Variants in SLC13A1 observed in about 807,000 individuals in gnomAD.
The protein encoded by SLC13A1 is Na(+)/sulfate cotransporter.
In SLC13A1, 65 loss-of-function variants were observed where a neutral mutation model predicts 70.0. The observed-to-expected ratio is 0.93, with a 90% CI of 0.76 to 1.14. SLC13A1 has a LOEUF of 1.14. SLC13A1 is among the 50% of genes most tolerant of loss of function. SLC13A1 has a pLI of 0.00. For synonymous variants in SLC13A1, 275 were observed against 250.5 expected, an observed-to-expected ratio of 1.10 and a Z score of -0.92; for missense variants, 726 against 717.8, an observed-to-expected ratio of 1.01 and a Z score of -0.13.
At chr7:123,143,063 G>GCA (rs1311694339) in intron 7 of SLC13A1, among the ~76,000 whole-genome samples, 1 of 152,136 alleles carries the variant, frequency 6.6e-6, no homozygotes, top group Non-Finnish European at 1.5e-5. Flanking sequence ...GCCCTAACTT[G>GCA]CTGTGGCTGA....
Position 123,198,016 on chromosome 7 carries a change from T to A in SLC13A1, c.99+1832A>T, listed in dbSNP as rs1349058785. 2.0e-5 allele frequency among the ~76,000 whole-genome samples: 3 copies of A among 152,114 alleles called. No individual in the cohort carries two copies. In the East Asian group the frequency reaches 5.8e-4, roughly 29 times the overall value. On this transcript the variant is annotated intron_variant, in intron 1 of 14. Transcript: ENST00000194130. ...TCTTGACTAGTTTAATTTCCTACTT[T>A]CTCTGCCATAAGTAAGAATGTATGC...
At chr7:123,178,049 A>ATATC (rs1554553510) in intron 2 of SLC13A1, among the ~76,000 whole-genome samples, 14 of 151,090 alleles carry the variant, frequency 9.3e-5, no homozygotes, top group Non-Finnish European at 1.8e-4. Context: ...ATATATATAT[A>ATATC]TCTCCATACA....
chr7:123,134,659 A>C, intron 7 of SLC13A1, 130 bp from the exon 8 acceptor site: 7 of 736,980 alleles, frequency 9.5e-6, no homozygotes, highest in Non-Finnish European at 1.5e-5. Flanking sequence ...GAATATACTC[A>C]TCATTAAATA....
chr7:123,163,253 C>T (rs1157118023), intron 6 of SLC13A1, among the ~76,000 whole-genome samples: 1 of 152,040 alleles, frequency 6.6e-6, no homozygotes, highest in Non-Finnish European at 1.5e-5. Flanking sequence ...ATATTCCTTT[C>T]TTCTCCCAGT....
chr7:123,196,636 G>A (rs763306911), intron 1 of SLC13A1, among the ~76,000 whole-genome samples: 9 of 152,040 alleles, frequency 5.9e-5, no homozygotes, highest in Admixed American at 1.3e-4. Flanking sequence ...CATCCTTATA[G>A]CTTCAGTTCT....
At chr7:123,159,714 G>A (rs766980871) in intron 6 of SLC13A1, among the ~76,000 whole-genome samples, 8 of 152,042 alleles carry the variant, frequency 5.3e-5, no homozygotes, top group African/African-American at 1.4e-4. Flanking sequence ...GCATAGGAAC[G>A]CAGGAAGAAA....
chr7:123,154,737 G>A lies in SLC13A1; in HGVS notation c.661-7427C>T, dbSNP rs191774122. 4.2e-3 allele frequency among the ~76,000 whole-genome samples: 643 copies of A among 152,074 alleles called. 3 individuals are homozygous for A. Among genetic ancestry groups the A allele is most frequent in the Non-Finnish European group, 7.2e-3 (488 of 67,966 alleles). On this transcript the variant is annotated intron_variant, in intron 6 of 14. Coordinates refer to ENST00000194130, the MANE Select transcript of SLC13A1 (RefSeq NM_022444.4). ...CCCTGGTTGCTTAAACATTCTCTCA[G>A]AACAATCAAGTGATAGGATACCTAA...
intron 1 of SLC13A1, among the ~76,000 whole-genome samples, chr7:123,193,312 TA>T (rs200816957): frequency 0.015 from 2,182 of 149,434 alleles, 18 homozygotes; most frequent in Middle Eastern, 0.031. Flanking sequence ...ATTTTATAAA[TA>T]AAAAAAAAAA....
intron 1 of SLC13A1, among the ~76,000 whole-genome samples, chr7:123,185,517 A>G (rs1364086630): frequency 6.6e-6 from 1 of 152,100 alleles, no homozygotes; most frequent in African/African-American, 2.4e-5. Context: ...TAGTTTCACT[A>G]ACACCATTTA....
chr7:123,194,332 C>G, intron 1 of SLC13A1, among the ~76,000 whole-genome samples: 1 of 151,980 alleles, frequency 6.6e-6, no homozygotes, highest in East Asian at 1.9e-4. Context: ...TAATCACAGG[C>G]ATTCTAGAAA....
Position 123,128,951 on chromosome 7 carries a change from G to T in SLC13A1, c.1032-5C>A. The T allele has an allele frequency of 6.3e-7, 1 of 1,593,538 alleles. No homozygotes were observed. The highest frequency in any genetic ancestry group is 8.6e-7 in the Non-Finnish European group (1 of 1,162,030). ...AAGGTCACAATTTCTTGATACCTGTGGAAAAATTCCAATGGCATCACTTCT... is the reference window on the plus strand; with the variant it reads ...AAGGTCACAATTTCTTGATACCTGTTGAAAAATTCCAATGGCATCACTTCT... On this transcript the variant is annotated splice_region_variant and splice_polypyrimidine_tract_variant and intron_variant, in intron 9 of 14. Transcript: ENST00000194130.
Position 123,119,200 on chromosome 7 carries a change from G to C in SLC13A1, c.1393C>G (p.Leu465Val). The C allele has an allele frequency of 6.2e-7, 1 of 1,611,988 alleles. No individual in the cohort carries two copies. Among genetic ancestry groups the C allele is most frequent in the South Asian group, 1.1e-5 (1 of 90,936 alleles). Residue 465 changes from leucine to valine, a missense_variant, in exon 13 of 15, where the codon CTG (leucine) becomes GTG (valine). Leu to Val is a conservative substitution (Grantham distance 32). Coordinates refer to ENST00000194130, the MANE Select transcript of SLC13A1 (RefSeq NM_022444.4). ...ATTAGCCATGCTGGTAATGAACCCA[G>C]AGGAGATAATTTATTTCCTATCCAC... is the stretch of plus-strand genomic sequence containing the variant. Reference protein sequence around the residue: ...SKWIGNKLSPLGSLPAWLIIL... With the variant: ...SKWIGNKLSPVGSLPAWLIIL...
At chr7:123,186,393 G>T (rs1795801543) in intron 1 of SLC13A1, among the ~76,000 whole-genome samples, 1 of 152,016 alleles carries the variant, frequency 6.6e-6, no homozygotes, top group African/African-American at 2.4e-5. Flanking sequence ...TTTAGGACTG[G>T]CTTTGAGGTA....
At chr7:123,188,288 G>A (rs544464838) in intron 1 of SLC13A1, among the ~76,000 whole-genome samples, 37 of 152,240 alleles carry the variant, frequency 2.4e-4, no homozygotes, top group African/African-American at 8.7e-4. Context: ...AGGCCTCCCA[G>A]TCACGCTGAG....
At chr7:123,171,320 G>T (rs1795264230) in intron 3 of SLC13A1, among the ~76,000 whole-genome samples, 1 of 152,122 alleles carries the variant, frequency 6.6e-6, no homozygotes, top group Non-Finnish European at 1.5e-5. Context: ...GAATTTTTCT[G>T]CACACATTTG....
chr7:123,176,186 C>A (rs1341775967), intron 2 of SLC13A1, among the ~76,000 whole-genome samples: 1 of 152,142 alleles, frequency 6.6e-6, no homozygotes, highest in East Asian at 1.9e-4. Context: ...AGTTGTTAAA[C>A]TTAAGAAAAA....
At chr7:123,187,703 C>G (rs1439796530) in intron 1 of SLC13A1, among the ~76,000 whole-genome samples, 1 of 152,118 alleles carries the variant, frequency 6.6e-6, no homozygotes, top group East Asian at 1.9e-4. Context: ...GCTTTTTTCA[C>G]TCAATATTTT....
intron 6 of SLC13A1, among the ~76,000 whole-genome samples, chr7:123,152,704 C>T (rs1482275292): frequency 6.6e-6 from 1 of 152,056 alleles, no homozygotes; most frequent in Non-Finnish European, 1.5e-5. Flanking sequence ...TTAAGGTCAG[C>T]CCACAAAGGA....
chr7:123,138,079 C>T (rs140266397), intron 7 of SLC13A1, among the ~76,000 whole-genome samples: 2 of 152,108 alleles, frequency 1.3e-5, no homozygotes, highest in Non-Finnish European at 2.9e-5. Context: ...TATTATCCTT[C>T]CCAGTCTTTG....
Sources: allele counts gnomAD v4.1 joint callset (sites outside exome capture counted in the v4.1 genomes callset), GRCh38; gene constraint gnomAD v4.1.1; transcripts MANE v1.5; gene names NCBI Gene and HGNC (gene_info 2026-07-23, HGNC 2026-07-21).